The following F8 variants were observed in gnomAD, a reference collection of about 807,000 sequenced individuals.
F8 encodes coagulation factor VIII, also known as antihemophilic factor.
A neutral mutation model predicts 140.6 loss-of-function variants in F8; 12 were observed. The ratio of observed to expected loss-of-function variants is 0.09; its 90% confidence interval spans 0.05 to 0.14. F8 has a LOEUF of 0.14. Among genes scored for constraint, F8 ranks in the 10% least tolerant of loss-of-function variants. The probability of loss-of-function intolerance (pLI) is 1.00; values close to 1 mark genes in which losing one functional copy is unlikely to be tolerated. For synonymous variants in F8, 585 were observed against 614.6 expected (o/e 0.95, Z 0.71); for missense variants, 1,354 against 1,720.7 (o/e 0.79, Z 3.77).
At chrX:154,997,233 G>T in intron 2 of F8, 138 bp from the exon 3 acceptor site, 1 of 710,634 alleles carries the variant, frequency 1.4e-6, no homozygotes, top group Non-Finnish European at 2.2e-6. Flanking sequence ...TTTGCTTGCT[G>T]CCAACATCAG....
intron 25 of F8, among the ~76,000 whole-genome samples, chrX:154,853,679 T>A (rs2072631810): frequency 8.9e-6 from 1 of 111,998 alleles, no homozygotes; most frequent in Admixed American, 9.5e-5. Flanking sequence ...CACACTGAGT[T>A]CTCCTTGCAT....
intron 1 of F8, among the ~76,000 whole-genome samples, chrX:155,002,435 A>G (rs1305330378): frequency 8.9e-6 from 1 of 111,749 alleles, no homozygotes; most frequent in Non-Finnish European, 1.9e-5. Context: ...ACTCTCACCA[A>G]TGTGGGTGGG....
At chrX:154,977,625 TCA>T (rs1394475845) in intron 6 of F8, among the ~76,000 whole-genome samples, 2 of 108,408 alleles carry the variant, frequency 1.8e-5, no homozygotes, top group African/African-American at 6.7e-5. Context: ...GCTGAGAAAT[TCA>T]CAGTTAGTCT....
intron 5 of F8, 58 bp downstream of exon 5, chrX:154,987,176 CTCT>C: frequency 1.1e-6 from 1 of 897,500 alleles, no homozygotes; most frequent in Non-Finnish European, 1.6e-6. Flanking sequence ...TAATCACCTC[CTCT>C]TAATAGTAGC....
At chrX:154,843,403 T>C (rs2072537969) in intron 25 of F8, among the ~76,000 whole-genome samples, 1 of 112,096 alleles carries the variant, frequency 8.9e-6, no homozygotes, top group South Asian at 3.7e-4. Context: ...TAGTTTACAG[T>C]CCCACCAACA....
rs1041322833 is a variant in F8 at position 155,001,442 on chromosome X, G to A, written c.144-1842C>T. Among the ~76,000 whole-genome samples the A allele has an allele frequency of 8.4e-5, 9 of 107,478 alleles. No individual in the cohort carries two copies. The East Asian group carries it at 8.9e-4, about 11-fold the overall frequency. The allele number at this position is 107,478 out of a possible 115,157, so 93.3% of individuals were successfully genotyped here. On this transcript the variant is annotated intron_variant, in intron 1 of 25. Transcript: ENST00000360256. ...CGCCAGAGTAGGTGGGACTACAGGC[G>A]TGTGCCACCATGCCCGGTTAATGTT... is the stretch of plus-strand genomic sequence containing the variant.
intron 22 of F8, among the ~76,000 whole-genome samples, chrX:154,873,732 C>T (rs782159703): frequency 6.3e-5 from 7 of 111,896 alleles, no homozygotes; most frequent in Admixed American, 5.7e-4. Context: ...GCCAAGAACA[C>T]ACAACGGGGA....
chrX:154,957,060 C>T lies in F8; in HGVS notation c.1649G>A (p.Arg550His), dbSNP rs137852418. The change falls in exon 11 of 26, where the codon CGC becomes CAC. Residue 550 changes from arginine to histidine, a missense_variant. This residue lies in a region of F8 where 252 missense variants were observed against 338.5 expected (regional missense o/e 0.74). Coordinates refer to ENST00000360256, the MANE Select transcript of F8 (RefSeq NM_000132.4). The part of the protein sequence containing the change: ...PTKSDPRCLT[R>H]YYSSFVNMER... ...CATATTAACGAAACTAGAGTAATAG[C>T]GGGTCAGGCACCGAGGATCTGATTT... 2 of 1,208,700 alleles carry T rather than the reference C, an allele frequency of 1.7e-6. No homozygotes were observed. The highest frequency in any genetic ancestry group is 2.2e-6 in the Non-Finnish European group (2 of 893,107).
At chrX:154,854,173 T>C (rs2072634936) in intron 25 of F8, among the ~76,000 whole-genome samples, 1 of 112,458 alleles carries the variant, frequency 8.9e-6, no homozygotes, top group African/African-American at 3.2e-5. Flanking sequence ...GTTAATTTTA[T>C]GTGTCAACTT....
At chrX:154,944,443 A>G (rs1326263208) in intron 13 of F8, among the ~76,000 whole-genome samples, 1 of 111,742 alleles carries the variant, frequency 8.9e-6, no homozygotes, top group East Asian at 2.8e-4. Flanking sequence ...TGGCCATCAG[A>G]GAAATGCAAA....
In F8 at chrX:154,860,623, G is replaced by A. The variant is rs2072683848; in HGVS notation, c.6724-15C>T. 8.3e-7 allele frequency: 1 copy of A among 1,206,468 alleles called. No individual in the cohort carries two copies. The highest frequency in any genetic ancestry group is 1.7e-5 in the African/African-American group (1 of 57,754). On this transcript the variant is annotated splice_polypyrimidine_tract_variant and intron_variant, in intron 24 of 25. Coordinates refer to ENST00000360256, the MANE Select transcript of F8 (RefSeq NM_000132.4). ...GGATTATTCACCTGAGGGCAATAGAGTTGGACTAGTAGCCTCTTGGTCACC... is the reference window on the plus strand; with the variant it reads ...GGATTATTCACCTGAGGGCAATAGAATTGGACTAGTAGCCTCTTGGTCACC...
At chrX:154,912,771 G>A (rs1427631604) in intron 14 of F8, among the ~76,000 whole-genome samples, 1 of 112,084 alleles carries the variant, frequency 8.9e-6, no homozygotes, top group East Asian at 2.8e-4. Context: ...TTGACTTACA[G>A]TTCCACATGG....
chrX:154,898,948 C>T (rs1557275770), intron 21 of F8, among the ~76,000 whole-genome samples: 2 of 111,314 alleles, frequency 1.8e-5, no homozygotes, highest in African/African-American at 6.6e-5. Context: ...ATTCCGCCCT[C>T]CCAAATAAGA....
At chrX:154,965,679 A>G (rs1391802884) in intron 9 of F8, 17 of 276,204 alleles carry the variant, frequency 6.2e-5, no homozygotes, top group Non-Finnish European at 1.0e-4. Flanking sequence ...TTCACAGGCC[A>G]TAGTCTGCTG....
chrX:154,865,730 G>A (rs2072727220), intron 22 of F8, among the ~76,000 whole-genome samples: 1 of 59,692 alleles, frequency 1.7e-5, no homozygotes, highest in Non-Finnish European at 3.0e-5. Context: ...AGAAGATAAA[G>A]AGAAAAGAAT....
chrX:154,852,781 G>A (rs868953154), intron 25 of F8, among the ~76,000 whole-genome samples: 15 of 111,251 alleles, frequency 1.3e-4, no homozygotes, highest in Admixed American at 2.9e-4. Flanking sequence ...CTTTGAGGCC[G>A]GAGAATCGCT....
At chrX:154,859,179 G>C (rs1557272635) in intron 25 of F8, among the ~76,000 whole-genome samples, 1 of 111,924 alleles carries the variant, frequency 8.9e-6, no homozygotes, top group East Asian at 2.8e-4. Flanking sequence ...CAGAGAGAGA[G>C]AGACAGACAG....
At chrX:154,959,910 G>A (rs1474617446) in intron 10 of F8, among the ~76,000 whole-genome samples, 1 of 111,986 alleles carries the variant, frequency 8.9e-6, no homozygotes, top group African/African-American at 3.2e-5. Context: ...AAGCTTTAGA[G>A]AAAATATATA....
intron 15 of F8, among the ~76,000 whole-genome samples, chrX:154,905,443 T>C (rs1412902523): frequency 1.8e-5 from 2 of 111,994 alleles, no homozygotes; most frequent in African/African-American, 6.5e-5. Flanking sequence ...TATCATAGAA[T>C]ATAATGGAAA....
Sources: gnomAD v4.1 joint callset for allele counts (sites outside exome capture counted in the v4.1 genomes callset) on GRCh38, gnomAD v4.1.1 for gene constraint, gnomAD v4.1.1 regional missense constraint, MANE v1.5 for transcripts, NCBI Gene and HGNC (gene_info 2026-07-23, HGNC 2026-07-21) for gene names.